Variants in NPC1 observed in about 807,000 individuals in gnomAD.
The protein encoded by NPC1 is Niemann-Pick C1 protein.
NPC1 carries 85 observed loss-of-function variants against 140.4 expected under a neutral mutation model. That is an observed-to-expected ratio of 0.61 (90% CI 0.51 to 0.72). The LOEUF (loss-of-function observed/expected upper bound fraction) is 0.72. Among genes scored for constraint, NPC1 ranks in the 30% least tolerant of loss-of-function variants. The pLI is 0.00. For missense variants in NPC1, 1,504 were observed against 1,623.8 expected, an observed-to-expected ratio of 0.93 and a Z score of 1.27; for synonymous variants, 656 against 624.8, an observed-to-expected ratio of 1.05 and a Z score of -0.74.
At chr18:23,548,692 T>A (rs1344953953) in intron 10 of NPC1, among the ~76,000 whole-genome samples, 1 of 152,220 alleles carries the variant, frequency 6.6e-6, no homozygotes, top group African/African-American at 2.4e-5. Context: ...GATGAGTAGT[T>A]TTGCAATTTT....
chr18:23,529,472 A>G (rs1228591356), downstream of NPC1: 3 of 1,258,012 alleles, frequency 2.4e-6, no homozygotes, highest in Non-Finnish European at 3.3e-6. Context: ...GGCCTAAAGC[A>G]TAATTGTTGA....
intron 13 of NPC1, among the ~76,000 whole-genome samples, chr18:23,543,897 G>A (rs1398571906): frequency 1.3e-5 from 2 of 152,174 alleles, no homozygotes; most frequent in South Asian, 2.1e-4. Context: ...TCTACAGGAC[G>A]ACTGAGACCA....
chr18:23,531,363 T>C, downstream of NPC1: 1 of 481,558 alleles, frequency 2.1e-6, no homozygotes, highest in East Asian at 4.3e-5. Context: ...GGATCAGGGC[T>C]GTCTAATGAA....
chr18:23,541,498 T>C lies in NPC1; in HGVS notation c.2246-65A>G, dbSNP rs1598949219. On this transcript the variant is annotated intron_variant, in intron 14 of 24. Coordinates refer to ENST00000269228, the MANE Select transcript of NPC1 (RefSeq NM_000271.5). Reference sequence around the variant, plus strand: ...AGCCGGGGGCTCTCTGCAGGTCTTATGTTCATGTGCATGTACAGATACAAG... The same window carrying C: ...AGCCGGGGGCTCTCTGCAGGTCTTACGTTCATGTGCATGTACAGATACAAG... The C allele has an allele frequency of 2.5e-6, 4 of 1,608,188 alleles. No individual in the cohort carries two copies. In the South Asian group the frequency reaches 3.3e-5, roughly 13 times the overall value.
chr18:23,544,952 C>CCGCCG lies in NPC1; in HGVS notation c.1947+7_1947+8insCGGCG, dbSNP rs1555634618. On this transcript the variant is annotated splice_region_variant and intron_variant, in intron 12 of 24. Coordinates refer to ENST00000269228, the MANE Select transcript of NPC1 (RefSeq NM_000271.5). ...CTCTAGAACATACACCACCCCCCCCCGGCTTACCAGAAGCCTGCGACAGCT... is the reference window on the plus strand; with the variant it reads ...CTCTAGAACATACACCACCCCCCCCCCGCCGGGCTTACCAGAAGCCTGCGACAGCT... The CCGCCG allele has an allele frequency of 1.4e-6, 2 of 1,430,730 alleles. No homozygotes were observed. The highest frequency in any genetic ancestry group is 3.6e-5 in the Admixed American group (2 of 55,796). The allele number at this position is 1,430,730 out of a possible 1,614,324, so 88.6% of individuals were successfully genotyped here. A position where few individuals can be genotyped will look rare whatever the true frequency, so the allele number is the denominator to read the frequency against.
chr18:23,524,311 AG>A, downstream of NPC1: 2 of 1,486,286 alleles, frequency 1.3e-6, no homozygotes, highest in South Asian at 1.1e-5. Flanking sequence ...CTGACTGTCC[AG>A]GGGCCTCGCG....
At chr18:23,581,829 G>A (rs2059359048) in intron 1 of NPC1, among the ~76,000 whole-genome samples, 1 of 151,936 alleles carries the variant, frequency 6.6e-6, no homozygotes, top group Non-Finnish European at 1.5e-5. Context: ...GCTCAAAAAT[G>A]GACTCTCCAT....
At chr18:23,544,646 T>G in intron 12 of NPC1, 120 bp from the exon 13 acceptor site, 1 of 932,510 alleles carries the variant, frequency 1.1e-6, no homozygotes, top group Non-Finnish European at 1.7e-6. Context: ...GAATGTACAA[T>G]TCTGTGTTTC....
downstream of NPC1, chr18:23,520,324 T>C: frequency 6.3e-7 from 1 of 1,598,702 alleles, no homozygotes; most frequent in Non-Finnish European, 8.6e-7. Context: ...GTAACACGGG[T>C]TCTGTAGAGG....
chr18:23,535,948 A>C (rs1451734314), intron 21 of NPC1, among the ~76,000 whole-genome samples: 1 of 152,148 alleles, frequency 6.6e-6, no homozygotes, highest in Non-Finnish European at 1.5e-5. Context: ...TATAAGCCCA[A>C]TCTATGCTAT....
intron 4 of NPC1, among the ~76,000 whole-genome samples, chr18:23,563,987 GTTTT>G (rs71163619): frequency 1.8e-4 from 18 of 102,584 alleles, no homozygotes; most frequent in African/African-American, 6.5e-4. Context: ...AGTAGTAAGA[GTTTT>G]TTTTTTTTTT....
At chr18:23,574,207 G>A (rs971673861) in intron 1 of NPC1, among the ~76,000 whole-genome samples, 1 of 152,230 alleles carries the variant, frequency 6.6e-6, no homozygotes, top group Non-Finnish European at 1.5e-5. Flanking sequence ...CCATGTGAGA[G>A]TCACAAGGTT....
At chr18:23,533,084 C>A in intron 24 of NPC1, 1 of 648,544 alleles carries the variant, frequency 1.5e-6, no homozygotes, top group Non-Finnish European at 2.3e-6. Context: ...ACACTCAGAT[C>A]CATTCAAGGA....
chr18:23,521,064 A>G (rs868506677), downstream of NPC1, among the ~76,000 whole-genome samples: 28 of 152,138 alleles, frequency 1.8e-4, no homozygotes, highest in African/African-American at 6.3e-4. Flanking sequence ...CATGTTGGCC[A>G]GACTGGTCTT....
chr18:23,514,155 A>G (rs1273544021), intron 3 of NPC1, among the ~76,000 whole-genome samples: 1 of 152,194 alleles, frequency 6.6e-6, no homozygotes, highest in Non-Finnish European at 1.5e-5. Context: ...TTTAGAATGT[A>G]TGGTTAGAGA....
chr18:23,551,838 C>T (rs760382660), intron 9 of NPC1, 111 bp from the exon 10 acceptor site: 78 of 802,358 alleles, frequency 9.7e-5, no homozygotes, highest in Non-Finnish European at 1.6e-4. Flanking sequence ...CTAAGGACAA[C>T]ATGGGCCCTG....
rs947209726 is a variant in NPC1 at position 23,554,819 on chromosome 18, T to C, written c.1492A>G (p.Lys498Glu). 8 of 1,613,982 alleles carry C rather than the reference T, an allele frequency of 5.0e-6. No individual in the cohort carries two copies. The highest frequency in any genetic ancestry group is 1.7e-5 in the Admixed American group (1 of 59,996). ...TACACAAAGAAGTCGTCCCCTTTCT[T>C]GTGGTCCAGCACGGAATGGCTGTTC... Reference protein sequence around the residue: ...FQNSHSVLDHKKGDDFFVYAD... With the variant: ...FQNSHSVLDHEKGDDFFVYAD... Residue 498 changes from lysine (K) to glutamate (E), a missense_variant, in exon 9 of 25, where the codon AAG becomes GAG. By Grantham distance (56) the Lys-to-Glu change is moderately conservative (BLOSUM62 1). Coordinates refer to ENST00000269228, the MANE Select transcript of NPC1 (RefSeq NM_000271.5).
chr18:23,552,621 A>C (rs1306954375), intron 9 of NPC1, among the ~76,000 whole-genome samples: 1 of 152,256 alleles, frequency 6.6e-6, no homozygotes, highest in African/African-American at 2.4e-5. Flanking sequence ...GCAAGAGGCA[A>C]CTGGCAGTGC....
chr18:23,561,583 G>C, intron 4 of NPC1, 56 bp from the exon 5 acceptor site: 1 of 1,578,428 alleles, frequency 6.3e-7, no homozygotes, highest in Admixed American at 1.7e-5. Context: ...TAATTCACGA[G>C]GCAAGATCTT....
Sources: gnomAD v4.1 joint callset for allele counts (sites outside exome capture counted in the v4.1 genomes callset) on GRCh38, gnomAD v4.1.1 for gene constraint, MANE v1.5 for transcripts, NCBI Gene and HGNC (gene_info 2026-07-23, HGNC 2026-07-21) for gene names.